CNOT1: variants seen among roughly 807,000 people sequenced by gnomAD.
CNOT1 encodes the protein CCR4-NOT transcription complex subunit 1, also known as CCR4-associated factor 1.
Under a neutral mutation model 273.8 loss-of-function variants are expected in CNOT1, and 15 were observed. That is an observed-to-expected ratio of 0.05 (90% confidence interval 0.04 to 0.08). The LOEUF is 0.08. Among genes scored for constraint, CNOT1 ranks in the 10% least tolerant of loss-of-function variants. CNOT1 has a pLI of 1.00. For synonymous variants in CNOT1, 1,022 were observed against 1,005.5 expected (o/e 1.02, Z -0.31); for missense variants, 1,644 against 2,912.2 (o/e 0.56, Z 10.02).
At chr16:58,617,139 T>C (rs2152042157) in intron 1 of CNOT1, among the ~76,000 whole-genome samples, 1 of 151,986 alleles carries the variant, frequency 6.6e-6, no homozygotes, top group East Asian at 1.9e-4. Flanking sequence ...GGCAGGAGGA[T>C]CACTTGAACC....
chr16:58,626,406 CAAAAAAA>C (rs34556623), intron 1 of CNOT1, among the ~76,000 whole-genome samples: 2 of 60,978 alleles, frequency 3.3e-5, no homozygotes, highest in African/African-American at 6.6e-5. Flanking sequence ...GACTGCGTCT[CAAAAAAA>C]AAAAAAAAAA....
At chr16:58,551,996 G>A (rs879075392) in intron 22 of CNOT1, among the ~76,000 whole-genome samples, 177 bp from the exon 23 acceptor site, 3 of 152,104 alleles carry the variant, frequency 2.0e-5, no homozygotes, top group Non-Finnish European at 4.4e-5. Flanking sequence ...GAACTTCAGC[G>A]ATAAAATCTT....
At chr16:58,542,102 CAAGTT>C in intron 33 of CNOT1, 124 bp downstream of exon 33, 1 of 1,146,040 alleles carries the variant, frequency 8.7e-7, no homozygotes, top group Non-Finnish European at 1.2e-6. Context: ...GAAATGCTAT[CAAGTT>C]AAGATGTTTT....
At chr16:58,575,237 G>T in intron 14 of CNOT1, 108 bp from the exon 15 acceptor site, 1 of 1,451,046 alleles carries the variant, frequency 6.9e-7, no homozygotes, top group African/African-American at 1.4e-5. Flanking sequence ...AAAACACACT[G>T]CTAATACTTC....
chr16:58,542,619 T>C, intron 31 of CNOT1, 51 bp from the exon 32 acceptor site: 1 of 1,583,398 alleles, frequency 6.3e-7, no homozygotes. Flanking sequence ...GAAAAAGACT[T>C]GAAAGTTGAT....
chr16:58,543,740 T>C lies in CNOT1; in HGVS notation c.4301A>G (p.Glu1434Gly). 6.2e-7 allele frequency: 1 copy of C among 1,614,108 alleles called. No homozygotes were observed. The highest frequency in any genetic ancestry group is 8.5e-7 in the Non-Finnish European group (1 of 1,180,016). ...VRKDFALDSE[E>G]SRMRIAAHHM... ...ATGAGCTGCTATTCGCATTCGAGATTCCTCCGAATCCAGGGCAAAATCCTT... is the reference window on the plus strand; with the variant it reads ...ATGAGCTGCTATTCGCATTCGAGATCCCTCCGAATCCAGGGCAAAATCCTT... The change falls in exon 31 of 49, where the codon GAA becomes GGA. Residue 1434 changes from glutamate to glycine, a missense_variant. Glu to Gly is a moderately conservative substitution (Grantham distance 98). Transcript: ENST00000317147.
chr16:58,609,854 T>G (rs536169090), intron 1 of CNOT1, among the ~76,000 whole-genome samples: 2 of 150,152 alleles, frequency 1.3e-5, no homozygotes, highest in East Asian at 3.9e-4. Context: ...TATATATATA[T>G]ATCATATTAT....
chr16:58,523,573 T>C, intron 46 of CNOT1, 71 bp from the exon 47 acceptor site: 1 of 1,485,180 alleles, frequency 6.7e-7, no homozygotes, highest in Non-Finnish European at 9.2e-7. Flanking sequence ...TCTAACTGGC[T>C]AGGGTTTGGG....
chr16:58,549,793 A>T lies in CNOT1; in HGVS notation c.3448T>A (p.Ser1150Thr). Residue 1150 changes from serine (S) to threonine (T), a missense_variant, in exon 25 of 49, where the codon TCA becomes ACA. This residue lies in a region of CNOT1 where 124 missense variants were observed against 289.3 expected (regional missense o/e 0.43). Coordinates refer to ENST00000317147, the MANE Select transcript of CNOT1 (RefSeq NM_016284.5). ...SIEPNFHSLY[S>T]NFLDTLKNPE... is the part of the protein sequence containing the mutation. ...TTCTTCAGCGTGTCAAGGAAGTTTG[A>T]ATACAGGCTATGAAAGTTTGGCTCA... 1 of 1,614,102 alleles carries T rather than the reference A, an allele frequency of 6.2e-7. No homozygotes were observed. Among genetic ancestry groups the T allele is most frequent in the Non-Finnish European group, 8.5e-7 (1 of 1,179,988 alleles).
chr16:58,560,563 C>A (rs1169370490), intron 16 of CNOT1, among the ~76,000 whole-genome samples: 1 of 151,884 alleles, frequency 6.6e-6, no homozygotes, highest in Admixed American at 6.6e-5. Flanking sequence ...CTCCCGAGTA[C>A]CAATCTGATT....
chr16:58,600,053 G>C (rs1190023851), intron 1 of CNOT1, among the ~76,000 whole-genome samples: 1 of 151,566 alleles, frequency 6.6e-6, no homozygotes, highest in Non-Finnish European at 1.5e-5. Flanking sequence ...AACAGAGCAA[G>C]ACTCCAACTT....
chr16:58,595,489 C>T (rs2042222668), intron 2 of CNOT1, among the ~76,000 whole-genome samples: 1 of 151,436 alleles, frequency 6.6e-6, no homozygotes, highest in Admixed American at 6.6e-5. Context: ...AAAAGCAACC[C>T]CTTAATCACA....
At chr16:58,570,090 A>G (rs557549435) in intron 16 of CNOT1, among the ~76,000 whole-genome samples, 2 of 152,328 alleles carry the variant, frequency 1.3e-5, no homozygotes, top group Non-Finnish European at 2.9e-5. Flanking sequence ...AGCATATTCA[A>G]AATGTTCAAA....
Position 58,560,205 on chromosome 16 carries a change from C to T in CNOT1, c.2130+7G>A, listed in dbSNP as rs376752850. ...ATGAAGATGTATCAAATGTAGCACT[C>T]ATTTACCTGAACAGGAGAAATGGCA... On this transcript the variant is annotated splice_region_variant and intron_variant, in intron 17 of 48. Transcript: ENST00000317147. 8.1e-6 allele frequency: 13 copies of T among 1,613,402 alleles called. No homozygotes were observed. The African/African-American group carries it at 1.3e-4, about 17-fold the overall frequency.
chr16:58,597,959 A>C, intron 2 of CNOT1: 10 of 217,850 alleles, frequency 4.6e-5, no homozygotes, highest in East Asian at 3.2e-4. Flanking sequence ...GCCATCCCCA[A>C]CCCTGTTTAA....
In CNOT1 at chr16:58,578,776, T is replaced by C; in HGVS notation, c.1507A>G (p.Ile503Val). The change falls in exon 13 of 49, where the codon ATC becomes GTC. Residue 503 changes from isoleucine to valine, a missense_variant. By Grantham distance (29) the Ile-to-Val change is conservative. Around this residue, in one of 13 missense-constraint regions of CNOT1, gnomAD observed 706 missense variants for 1,021.2 expected, o/e 0.69. Transcript: ENST00000317147. The stretch of plus-strand genomic sequence containing the variant: ...AGGAAAATTGGCATCAGAGTGGAGA[T>C]AAGTTCATGGCGCAAGGTATGCCAA... ...TSWHTLRHEL[I>V]STLMPIFLGN... The C allele has an allele frequency of 6.2e-7, 1 of 1,614,104 alleles. No individual in the cohort carries two copies. The highest frequency in any genetic ancestry group is 8.5e-7 in the Non-Finnish European group (1 of 1,180,018).
At chr16:58,557,077 G>C in intron 18 of CNOT1, 84 bp from the exon 19 acceptor site, 1 of 1,475,854 alleles carries the variant, frequency 6.8e-7, no homozygotes, top group Non-Finnish European at 9.0e-7. Flanking sequence ...TAATAAGACA[G>C]ACTTTTAAAA....
chr16:58,524,249 C>CAAAA (rs35148544), intron 46 of CNOT1, among the ~76,000 whole-genome samples: 15 of 82,306 alleles, frequency 1.8e-4, no homozygotes, highest in Non-Finnish European at 2.8e-4. Context: ...GACTCTATCG[C>CAAAA]AAAAAAAAAA....
rs1389288333 is a variant in CNOT1 at position 58,520,927 on chromosome 16, A to C, written c.*31T>G. ...GAACTCGGTGCAGTGAGACCTCTAG[A>C]CTGACACGTACAACAGAGATGCAGT... On this transcript the variant is annotated 3_prime_UTR_variant, in exon 49 of 49. Transcript: ENST00000317147. 1.9e-6 allele frequency: 3 copies of C among 1,604,922 alleles called. No individual in the cohort carries two copies. The highest frequency in any genetic ancestry group is 2.6e-6 in the Non-Finnish European group (3 of 1,175,620).
Sources: allele counts gnomAD v4.1 joint callset (sites outside exome capture counted in the v4.1 genomes callset), GRCh38; gene constraint gnomAD v4.1.1; regional missense constraint gnomAD v4.1.1; transcripts MANE v1.5; gene names NCBI Gene and HGNC (gene_info 2026-07-23, HGNC 2026-07-21).